The following LINGO2 variants were observed in gnomAD, a reference collection of about 807,000 sequenced individuals.
LINGO2 encodes the protein leucine rich repeat and Ig domain containing 2.
LINGO2 carries 14 observed loss-of-function variants against 30.6 expected under a neutral mutation model. That is an observed-to-expected ratio of 0.46 (90% confidence interval 0.30 to 0.72). The LOEUF (loss-of-function observed/expected upper bound fraction) is 0.72. Ranked by LOEUF, LINGO2 falls within the 30% of genes least tolerant of loss-of-function variation. The probability of loss-of-function intolerance (pLI) is 0.07; values close to 1 mark genes in which losing one functional copy is unlikely to be tolerated. For synonymous variants in LINGO2, 317 were observed against 288.5 expected (o/e 1.10, Z -1.00); for missense variants, 729 against 751.7 (o/e 0.97, Z 0.35).
At chr9:28,106,316 A>G (rs1282131026) in intron 4 of LINGO2, among the ~76,000 whole-genome samples, 1 of 152,150 alleles carries the variant, frequency 6.6e-6, no homozygotes, top group Non-Finnish European at 1.5e-5. Flanking sequence ...CAATTTAAAG[A>G]AGAATCTTCA....
At chr9:28,939,180 A>AGGCTACTTAAGGCTACTTAAG in the LINGO2 span, among the ~76,000 whole-genome samples, 5 of 151,148 alleles carry the variant, frequency 3.3e-5, no homozygotes, top group Admixed American at 2.6e-4. Context: ...AGGCTACTTA[A>AGGCTACTTAAGGCTACTTAAG]GCTACTTAAG....
At chr9:29,105,855 G>C in the LINGO2 span, among the ~76,000 whole-genome samples, 1 of 152,146 alleles carries the variant, frequency 6.6e-6, no homozygotes, top group Admixed American at 6.5e-5. Context: ...CGGGGAGACA[G>C]CACAATAACA....
Position 28,020,901 on chromosome 9 carries a change from T to C in LINGO2, c.-86-8496A>G, listed in dbSNP as rs996610599. On this transcript the variant is annotated intron_variant, in intron 4 of 5. Transcript: ENST00000379992. ...TGACCCCTCTCTCTCATTTCTGATA[T>C]TGGTAATTTGTGGCTTTTCCTTATT... Among the ~76,000 whole-genome samples the C allele has an allele frequency of 2.0e-5, 3 of 152,292 alleles. No homozygotes were observed. In the East Asian group the frequency reaches 5.8e-4, roughly 29 times the overall value.
chr9:28,104,184 A>C (rs1373353077), intron 4 of LINGO2, among the ~76,000 whole-genome samples: 1 of 151,328 alleles, frequency 6.6e-6, no homozygotes, highest in Non-Finnish European at 1.5e-5. Flanking sequence ...AGGAAGGGTA[A>C]GTAAAGAAGA....
intron 1 of LINGO2, among the ~76,000 whole-genome samples, chr9:28,543,274 C>G (rs980852783): frequency 6.6e-5 from 10 of 152,116 alleles, no homozygotes; most frequent in African/African-American, 2.2e-4. Context: ...AGCTTATAAC[C>G]AAATTCTCAT....
chr9:28,058,874 T>A (rs1387490101), intron 4 of LINGO2, among the ~76,000 whole-genome samples: 2 of 152,132 alleles, frequency 1.3e-5, no homozygotes, highest in African/African-American at 4.8e-5. Flanking sequence ...CTGTTAAAAC[T>A]TTGCATTTTT....
intron 1 of LINGO2, among the ~76,000 whole-genome samples, chr9:28,652,743 A>G (rs1828161551): frequency 6.6e-6 from 1 of 152,150 alleles, no homozygotes; most frequent in African/African-American, 2.4e-5. Flanking sequence ...TGCCTCAGGT[A>G]GATTAAAGGC....
chr9:28,343,355 C>CA (rs1271808340), intron 3 of LINGO2, among the ~76,000 whole-genome samples: 2 of 152,024 alleles, frequency 1.3e-5, no homozygotes, highest in Non-Finnish European at 2.9e-5. Flanking sequence ...AACAAATAAA[C>CA]AAAAAATCAT....
chr9:28,109,816 C>G lies in LINGO2; in HGVS notation c.-86-97411G>C, dbSNP rs551000411. Among the ~76,000 whole-genome samples, 126 of 152,142 alleles carry G rather than the reference C, an allele frequency of 8.3e-4. 1 individual carries two copies. The highest frequency in any genetic ancestry group is 3.4e-3 in the Middle Eastern group (1 of 294). On this transcript the variant is annotated intron_variant, in intron 4 of 5. Coordinates refer to ENST00000379992, the Ensembl canonical transcript of LINGO2. ...CAATATTGTGAAAATGACCATAATGCCAAAGTAATTTATAGATTCAATGCT... is the reference window on the plus strand; with the variant it reads ...CAATATTGTGAAAATGACCATAATGGCAAAGTAATTTATAGATTCAATGCT...
At chr9:29,033,911 T>A in the LINGO2 span, among the ~76,000 whole-genome samples, 1 of 151,866 alleles carries the variant, frequency 6.6e-6, no homozygotes, top group African/African-American at 2.4e-5. Context: ...TGCAACCCCA[T>A]CTCTACCAAA....
At chr9:28,710,476 T>C in the LINGO2 span, among the ~76,000 whole-genome samples, 2 of 152,284 alleles carry the variant, frequency 1.3e-5, no homozygotes, top group East Asian at 1.9e-4. Context: ...TAGATGCCTA[T>C]TTAGCTAGAG....
chr9:29,084,831 G>A, the LINGO2 span, among the ~76,000 whole-genome samples: 4 of 151,892 alleles, frequency 2.6e-5, no homozygotes, highest in South Asian at 8.3e-4. Flanking sequence ...CTAAATTATA[G>A]GTTCATTATT....
At chr9:29,050,370 T>A in the LINGO2 span, among the ~76,000 whole-genome samples, 1 of 152,250 alleles carries the variant, frequency 6.6e-6, no homozygotes. Flanking sequence ...ACATCTCATG[T>A]ATTCCATAAA....
intron 1 of LINGO2, among the ~76,000 whole-genome samples, chr9:28,527,601 G>C (rs1038570191): frequency 6.6e-6 from 1 of 152,096 alleles, no homozygotes; most frequent in Non-Finnish European, 1.5e-5. Flanking sequence ...TAGCCTTATA[G>C]CCTGAGGCAG....
chr9:28,830,088 C>T, the LINGO2 span, among the ~76,000 whole-genome samples: 1 of 152,004 alleles, frequency 6.6e-6, no homozygotes, highest in African/African-American at 2.4e-5. Flanking sequence ...GCTATAATAA[C>T]GATAAAAGCA....
intron 3 of LINGO2, among the ~76,000 whole-genome samples, chr9:28,344,695 G>A (rs1819498277): frequency 6.6e-6 from 1 of 151,400 alleles, no homozygotes; most frequent in Non-Finnish European, 1.5e-5. Flanking sequence ...AGCGGCACTA[G>A]TAAAAAATAT....
chr9:28,505,109 GTA>G (rs1342114187), intron 1 of LINGO2, among the ~76,000 whole-genome samples: 1 of 151,954 alleles, frequency 6.6e-6, no homozygotes, highest in Non-Finnish European at 1.5e-5. Flanking sequence ...AGAAGCAACA[GTA>G]AGTTACTACA....
At chr9:28,905,141 G>C in the LINGO2 span, among the ~76,000 whole-genome samples, 1 of 151,832 alleles carries the variant, frequency 6.6e-6, no homozygotes, top group Non-Finnish European at 1.5e-5. Context: ...ATGGAGTAAA[G>C]ATTTTAATTT....
chr9:29,051,125 T>A, the LINGO2 span, among the ~76,000 whole-genome samples: 1 of 152,186 alleles, frequency 6.6e-6, no homozygotes, highest in African/African-American at 2.4e-5. Flanking sequence ...TTAGGACTTA[T>A]AAACCTACAT....
Sources: allele counts gnomAD v4.1 joint callset (sites outside exome capture counted in the v4.1 genomes callset), GRCh38; gene constraint gnomAD v4.1.1; transcripts MANE v1.5; gene names NCBI Gene and HGNC (gene_info 2026-07-23, HGNC 2026-07-21).